GALNT7: variants seen among roughly 807,000 people sequenced by gnomAD.
GALNT7 encodes polypeptide N-acetylgalactosaminyltransferase 7.
Under a neutral mutation model 82.1 loss-of-function variants are expected in GALNT7, and 60 were observed. The ratio of observed to expected loss-of-function variants is 0.73; its 90% CI spans 0.59 to 0.91. The LOEUF is 0.91. Among genes scored for constraint, GALNT7 ranks in the 40% least tolerant of loss-of-function variants. The pLI is 0.00. For synonymous variants in GALNT7, 243 were observed against 275.1 expected, an observed-to-expected ratio of 0.88 and a Z score of 1.15; for missense variants, 660 against 804.2, an observed-to-expected ratio of 0.82 and a Z score of 2.17.
chr4:173,216,461 G>C (rs938333763), intron 1 of GALNT7, among the ~76,000 whole-genome samples: 25 of 151,900 alleles, frequency 1.6e-4, no homozygotes, highest in African/African-American at 5.1e-4. Context: ...TATTGACTTA[G>C]ATAAATCATT....
Position 173,321,791 on chromosome 4 carries a change from G to C in GALNT7, c.*74G>C. On this transcript the variant is annotated 3_prime_UTR_variant, in exon 12 of 12. Transcript: ENST00000265000. Reference sequence around the variant, plus strand: ...CAGGACTGAAAACCGCCTGAAACCTGCTGCAACTATTGTTATTAACTCTGT... The same window carrying C: ...CAGGACTGAAAACCGCCTGAAACCTCCTGCAACTATTGTTATTAACTCTGT... 1.0e-6 allele frequency: 1 copy of C among 980,170 alleles called. No homozygotes were observed. Among genetic ancestry groups the C allele is most frequent in the Non-Finnish European group, 1.6e-6 (1 of 630,170 alleles). 60.7% of individuals were successfully genotyped at this position (980,170 alleles called of 1,614,324 possible).
At chr4:173,315,093 A>G (rs1737542208) in intron 9 of GALNT7, among the ~76,000 whole-genome samples, 1 of 152,248 alleles carries the variant, frequency 6.6e-6, no homozygotes, top group African/African-American at 2.4e-5. Context: ...CAGGGTAAGG[A>G]AAGCCTCTCT....
At chr4:173,278,521 A>G (rs1735995782) in intron 2 of GALNT7, among the ~76,000 whole-genome samples, 1 of 152,210 alleles carries the variant, frequency 6.6e-6, no homozygotes, top group African/African-American at 2.4e-5. Flanking sequence ...AAAACCAAAG[A>G]GGGCAGAACC....
At position 173,248,417 on chromosome 4, in the gene GALNT7, C is replaced by T. The variant is rs151095044; in HGVS notation, c.564C>T (p.Ser188=). The change falls in exon 2 of 12, where the codon AGC becomes AGT. Residue 188 remains serine (S), a synonymous_variant. Coordinates refer to ENST00000265000, the MANE Select transcript of GALNT7 (RefSeq NM_017423.3). ...VASDMISLDR[S]VNDLRQEECK... ...GTGACATGATCTCACTGGACCGCAG[C>T]GTCAATGACTTACGCCAAGAAGAGT... 5.6e-6 allele frequency: 9 copies of T among 1,607,598 alleles called. No individual in the cohort carries two copies. In the Admixed American group the frequency reaches 6.7e-5, roughly 12 times the overall value.
chr4:173,191,473 G>A (rs1033353357), intron 1 of GALNT7, among the ~76,000 whole-genome samples: 1 of 152,162 alleles, frequency 6.6e-6, no homozygotes, highest in African/African-American at 2.4e-5. Context: ...AAGTTCTAGA[G>A]CCAGATTCAC....
At chr4:173,263,108 A>G (rs1381041042) in intron 2 of GALNT7, among the ~76,000 whole-genome samples, 2 of 152,208 alleles carry the variant, frequency 1.3e-5, no homozygotes, top group African/African-American at 2.4e-5. Flanking sequence ...AAAAGATAGT[A>G]TCTTCATATG....
At chr4:173,255,484 T>C (rs996108198) in intron 2 of GALNT7, among the ~76,000 whole-genome samples, 13 of 152,144 alleles carry the variant, frequency 8.5e-5, no homozygotes, top group African/African-American at 2.9e-4. Flanking sequence ...CACAGACCTC[T>C]ACCCCCAACT....
chr4:173,247,375 G>A (rs923032039), intron 1 of GALNT7, among the ~76,000 whole-genome samples: 2 of 149,782 alleles, frequency 1.3e-5, no homozygotes, highest in Admixed American at 6.8e-5. Flanking sequence ...TTAAAAGCCC[G>A]AGCTGACTTA....
chr4:173,182,663 C>CACAT (rs1267164608), intron 1 of GALNT7, among the ~76,000 whole-genome samples: 2 of 117,470 alleles, frequency 1.7e-5, no homozygotes, highest in African/African-American at 1.0e-4. Flanking sequence ...ACTCATAATA[C>CACAT]ACACACACAC....
chr4:173,316,964 TATC>T (rs1373541296), intron 9 of GALNT7: 1 of 152,282 alleles, frequency 6.6e-6, no homozygotes, highest in Admixed American at 6.5e-5. Flanking sequence ...CAAAACCTGT[TATC>T]ATTATAGGTG....
chr4:173,228,392 A>G (rs1273470469), intron 1 of GALNT7, among the ~76,000 whole-genome samples: 1 of 151,338 alleles, frequency 6.6e-6, no homozygotes, highest in Non-Finnish European at 1.5e-5. Flanking sequence ...CTTCAAACTA[A>G]TATTATATAT....
At chr4:173,202,524 T>C (rs1732972912) in intron 1 of GALNT7, among the ~76,000 whole-genome samples, 1 of 152,210 alleles carries the variant, frequency 6.6e-6, no homozygotes, top group Admixed American at 6.5e-5. Context: ...ATAACCCTCT[T>C]CACTCTTTTC....
At chr4:173,318,321 A>C (rs1376748292) in intron 10 of GALNT7, 110 bp from the exon 11 acceptor site, 11 of 785,892 alleles carry the variant, frequency 1.4e-5, no homozygotes, top group Non-Finnish European at 2.3e-5. Flanking sequence ...AATTATGGAA[A>C]AATAAGTTAG....
At chr4:173,213,758 T>C (rs1733355024) in intron 1 of GALNT7, among the ~76,000 whole-genome samples, 1 of 152,160 alleles carries the variant, frequency 6.6e-6, no homozygotes, top group African/African-American at 2.4e-5. Context: ...TACAACTGTT[T>C]AGATAAATAT....
chr4:173,183,344 T>C, intron 1 of GALNT7, among the ~76,000 whole-genome samples: 1 of 151,788 alleles, frequency 6.6e-6, no homozygotes, highest in East Asian at 1.9e-4. Flanking sequence ...CCACAGGTCT[T>C]GAGAGGGATG....
intron 2 of GALNT7, among the ~76,000 whole-genome samples, chr4:173,263,076 A>G (rs1561179578): frequency 6.6e-6 from 1 of 152,180 alleles, no homozygotes; most frequent in Non-Finnish European, 1.5e-5. Context: ...TGGTACCATC[A>G]GAGTAAATAT....
chr4:173,272,928 T>C (rs1332777940), intron 2 of GALNT7, among the ~76,000 whole-genome samples: 1 of 152,210 alleles, frequency 6.6e-6, no homozygotes, highest in Non-Finnish European at 1.5e-5. Context: ...CTAGTACATC[T>C]CTTCATTTTG....
intron 1 of GALNT7, among the ~76,000 whole-genome samples, chr4:173,237,080 G>C (rs1234308302): frequency 6.6e-6 from 1 of 152,134 alleles, no homozygotes; most frequent in Non-Finnish European, 1.5e-5. Context: ...ACATAATTCT[G>C]TTACATTGTC....
In GALNT7 at chr4:173,168,830, A is replaced by T. The variant is rs754599169; in HGVS notation, c.-6A>T. On this transcript the variant is annotated 5_prime_UTR_variant, in exon 1 of 12. Coordinates refer to ENST00000265000, the MANE Select transcript of GALNT7 (RefSeq NM_017423.3). The stretch of plus-strand genomic sequence containing the variant: ...CGGGCTGTGAGTCTCTCGCCGCCGG[A>T]GGAAGATGAGGCTGAAGATTGGGTT... 1 of 1,608,094 alleles carries T rather than the reference A, an allele frequency of 6.2e-7. No homozygotes were observed. The highest frequency in any genetic ancestry group is 8.5e-7 in the Non-Finnish European group (1 of 1,177,284).
Sources: allele counts gnomAD v4.1 joint callset (sites outside exome capture counted in the v4.1 genomes callset), GRCh38; gene constraint gnomAD v4.1.1; transcripts MANE v1.5; gene names NCBI Gene and HGNC (gene_info 2026-07-23, HGNC 2026-07-21).